Variants in CFHR5 observed in about 807,000 individuals in gnomAD.
CFHR5 encodes complement factor H related 5.
In CFHR5, 73 loss-of-function variants were observed where a neutral mutation model predicts 62.9. That is an observed-to-expected ratio of 1.16 (90% CI 0.96 to 1.41). The LOEUF (loss-of-function observed/expected upper bound fraction) is 1.41, where lower values mean the gene tolerates loss of function less well. CFHR5 is among the 40% of genes most tolerant of loss of function. The pLI, the probability that CFHR5 is intolerant of heterozygous loss-of-function variation, is 0.00. For missense variants in CFHR5, 779 were observed against 679.9 expected, an observed-to-expected ratio of 1.15 and a Z score of -1.62; for synonymous variants, 249 against 227.2, an observed-to-expected ratio of 1.10 and a Z score of -0.86.
At position 196,979,349 on chromosome 1, in the gene CFHR5, G is replaced by A. The variant is rs140124798; in HGVS notation, c.58+1627G>A. On this transcript the variant is annotated intron_variant, in intron 1 of 9. Coordinates refer to ENST00000256785, the MANE Select transcript of CFHR5 (RefSeq NM_030787.4). ...GAGAAGTGTGTCTATAGGCAATTTC[G>A]TCCTCCTGCAAACATCATAGAGTGT... Among the ~76,000 whole-genome samples the A allele has an allele frequency of 6.5e-3, 983 of 151,164 alleles. 11 individuals carry two copies. The highest frequency in any genetic ancestry group is 0.023 in the African/African-American group (944 of 41,114).
At position 197,006,797 on chromosome 1, in the gene CFHR5, T is replaced by C. The variant is rs531596860; in HGVS notation, c.1514-1690T>C. On this transcript the variant is annotated intron_variant, in intron 9 of 9. Transcript: ENST00000256785. ...GGGTATTGAATGAAGTAGGGAGCCA[T>C]TACATATTTTTAATAGCAGTTTTTT... 1.4e-4 allele frequency among the ~76,000 whole-genome samples: 22 copies of C among 152,180 alleles called. No individual in the cohort carries two copies. In the South Asian group the frequency reaches 4.3e-3, roughly 30 times the overall value.
At chr1:196,988,642 A>G (rs1405685493) in intron 3 of CFHR5, among the ~76,000 whole-genome samples, 2 of 152,070 alleles carry the variant, frequency 1.3e-5, no homozygotes, top group African/African-American at 2.4e-5. Context: ...TGTTTTTGTC[A>G]TTGGTTCTGT....
rs751816312 is a variant in CFHR5, at chr1:196,977,721, A to C, written c.57A>C (p.Glu19Asp). Reference protein sequence around the residue: ...LISWVSTVGGEGTLCDFPKIH... With the variant: ...LISWVSTVGGDGTLCDFPKIH... ...CATGGGTATCCACTGTTGGGGGAGA[A>C]GGTAAGTTGAAAACAGATCCGAATA... Residue 19 changes from glutamate (E) to aspartate (D), a missense_variant and splice_region_variant, in exon 1 of 10, where the codon GAA (glutamate) becomes GAC (aspartate). Glu to Asp is a conservative substitution (Grantham distance 45, BLOSUM62 2). Transcript: ENST00000256785. The C allele has an allele frequency of 6.2e-7, 1 of 1,610,800 alleles. No individual in the cohort carries two copies. The highest frequency in any genetic ancestry group is 1.1e-5 in the South Asian group (1 of 90,916).
chr1:197,001,483 G>C (rs1250703419), intron 7 of CFHR5, among the ~76,000 whole-genome samples: 1 of 151,552 alleles, frequency 6.6e-6, no homozygotes, highest in African/African-American at 2.4e-5. Context: ...ATTTTTAAAT[G>C]AAAATAGTAT....
chr1:197,002,397 C>A (rs112908822), intron 7 of CFHR5, 85 bp from the exon 8 acceptor site: 23 of 929,224 alleles, frequency 2.5e-5, no homozygotes, highest in Non-Finnish European at 3.4e-5. Flanking sequence ...GTCATTGAAT[C>A]TTCCATTTTC....
chr1:196,995,168 A>G (rs1212961744), intron 4 of CFHR5, among the ~76,000 whole-genome samples: 2 of 152,190 alleles, frequency 1.3e-5, no homozygotes, highest in Non-Finnish European at 2.9e-5. Context: ...CTTTCAGATT[A>G]TTGACCTACT....
At chr1:196,996,281 G>A in intron 6 of CFHR5, 80 bp downstream of exon 6, 1 of 1,163,194 alleles carries the variant, frequency 8.6e-7, no homozygotes, top group Non-Finnish European at 1.3e-6. Context: ...AATCTGGCTA[G>A]AATTACAATT....
chr1:196,984,559 A>T (rs936918707), intron 3 of CFHR5, among the ~76,000 whole-genome samples: 7 of 152,164 alleles, frequency 4.6e-5, no homozygotes, highest in Non-Finnish European at 8.8e-5. Flanking sequence ...AAGTTGTAAA[A>T]AGTCCATACT....
At chr1:196,998,343 T>C in intron 7 of CFHR5, 39 bp downstream of exon 7, 1 of 1,478,276 alleles carries the variant, frequency 6.8e-7, no homozygotes, top group East Asian at 2.3e-5. Flanking sequence ...TCTTGTTGCT[T>C]CTTTACAAGA....
chr1:196,988,830 C>CT (rs201160818), intron 3 of CFHR5, among the ~76,000 whole-genome samples: 18 of 151,870 alleles, frequency 1.2e-4, no homozygotes, highest in South Asian at 8.3e-4. Flanking sequence ...CTAAAATTCT[C>CT]TTTTTTTTGT....
At position 196,983,036 on chromosome 1, in the gene CFHR5, A is replaced by G; in HGVS notation, c.210A>G (p.Ile70Met). The change falls in exon 2 of 10, where the codon ATA (isoleucine) becomes ATG (methionine). Residue 70 changes from isoleucine (I) to methionine (M), a missense_variant. Transcript: ENST00000256785. Reference sequence around the variant, plus strand: ...CTTCAAAATCCTTTTGGACTCGCATAACATGCACAGAAGAAGGATGGTCAC... The same window carrying G: ...CTTCAAAATCCTTTTGGACTCGCATGACATGCACAGAAGAAGGATGGTCAC... ...VSPSKSFWTR[I>M]TCTEEGWSPT... The G allele has an allele frequency of 1.2e-6, 2 of 1,614,090 alleles. 1 individual carries two copies. Among genetic ancestry groups the G allele is most frequent in the South Asian group, 2.2e-5 (2 of 91,032 alleles).
rs916555213 is a variant in CFHR5 at position 196,982,446 on chromosome 1, T to C, written c.59-439T>C. Among the ~76,000 whole-genome samples the C allele has an allele frequency of 2.0e-5, 3 of 152,162 alleles. 1 individual carries two copies. Among genetic ancestry groups the C allele is most frequent in the Admixed American group, 1.3e-4 (2 of 15,270 alleles). ...CGGCAGTTTGGGAGGCCGAGGCGCA[T>C]GGATCACCTGAGGTCAGGAGTTTGA... is the stretch of plus-strand genomic sequence containing the variant. On this transcript the variant is annotated intron_variant, in intron 1 of 9. Coordinates refer to ENST00000256785, the MANE Select transcript of CFHR5 (RefSeq NM_030787.4).
Position 196,999,722 on chromosome 1 carries a change from T to TACACAC in CFHR5, c.1147+1426_1147+1431dup, listed in dbSNP as rs60382421. Reference sequence around the variant, plus strand: ...ATATATATATATATATATATATATATACACACACACACATATATATACACA... The same window carrying TACACAC: ...ATATATATATATATATATATATATATACACACACACACACACACATATATATACACA... On this transcript the variant is annotated intron_variant, in intron 7 of 9. Transcript: ENST00000256785. Among the ~76,000 whole-genome samples the TACACAC allele has an allele frequency of 1.9e-3, 225 of 116,056 alleles. 2 individuals carry two copies. Among genetic ancestry groups the TACACAC allele is most frequent in the African/African-American group, 7.3e-3 (210 of 28,708 alleles). 76.1% of individuals were successfully genotyped at this position (116,056 alleles called of 152,430 possible). A position where few individuals can be genotyped will look rare whatever the true frequency, so the allele number is the denominator to read the frequency against.
intron 3 of CFHR5, among the ~76,000 whole-genome samples, chr1:196,986,442 C>T (rs1008520156): frequency 1.3e-5 from 2 of 151,940 alleles, no homozygotes; most frequent in African/African-American, 4.8e-5. Flanking sequence ...CATAGGTATA[C>T]ATGTGTCATA....
rs766392891 is a variant in CFHR5, at chr1:196,995,849, A to G, written c.740A>G (p.Lys247Arg). 6.2e-7 allele frequency: 1 copy of G among 1,613,520 alleles called. No individual in the cohort carries two copies. Among genetic ancestry groups the G allele is most frequent in the Non-Finnish European group, 8.5e-7 (1 of 1,179,574 alleles). ...CCTAATTTTATAATAAACGGGCCTA[A>G]GAAAATACAATGTGTGGATGGAGAA... ...CNPNFIINGPKKIQCVDGEWT... is the reference protein window; with the variant it reads ...CNPNFIINGPRKIQCVDGEWT... The change falls in exon 5 of 10, where the codon AAG (lysine) becomes AGG (arginine). Residue 247 changes from lysine to arginine, a missense_variant. Transcript: ENST00000256785.
intron 3 of CFHR5, 136 bp from the exon 4 acceptor site, chr1:196,993,944 C>A: frequency 1.4e-6 from 1 of 697,356 alleles, no homozygotes; most frequent in Non-Finnish European, 2.4e-6. Context: ...AATAATTAGT[C>A]TATATGTTTT....
intron 1 of CFHR5, among the ~76,000 whole-genome samples, chr1:196,982,619 A>G (rs1359434701): frequency 6.6e-6 from 1 of 152,086 alleles, no homozygotes; most frequent in Admixed American, 6.5e-5. Flanking sequence ...CAGTGAGCCA[A>G]GATTTGCGTG....
intron 1 of CFHR5, among the ~76,000 whole-genome samples, chr1:196,979,721 T>C (rs1653488980): frequency 6.6e-6 from 1 of 152,010 alleles, no homozygotes; most frequent in Admixed American, 6.6e-5. Flanking sequence ...GCTAGGTAAA[T>C]TTATTTTATT....
intron 8 of CFHR5, among the ~76,000 whole-genome samples, chr1:197,003,901 A>T (rs1456838017): frequency 2.0e-5 from 3 of 152,298 alleles, no homozygotes; most frequent in Admixed American, 6.5e-5. Flanking sequence ...AAAGGAGATA[A>T]TTCATGAAGA....
Sources: gnomAD v4.1 joint callset for allele counts (sites outside exome capture counted in the v4.1 genomes callset) on GRCh38, gnomAD v4.1.1 for gene constraint, MANE v1.5 for transcripts, NCBI Gene and HGNC (gene_info 2026-07-23, HGNC 2026-07-21) for gene names.